The following POT1 variants were observed in gnomAD, a reference collection of about 807,000 sequenced individuals.
POT1 encodes the protein protection of telomeres protein 1.
A neutral mutation model predicts 78.5 loss-of-function variants in POT1; 47 were observed. The ratio of observed to expected loss-of-function variants is 0.60; its 90% CI spans 0.47 to 0.76. POT1 has a LOEUF of 0.76. POT1 is among the 30% of genes least tolerant of loss of function. The pLI, the probability that POT1 is intolerant of heterozygous loss-of-function variation, is 0.00. For synonymous variants in POT1, 259 were observed against 260.7 expected, an observed-to-expected ratio of 0.99 and a Z score of 0.06; for missense variants, 646 against 749.9, an observed-to-expected ratio of 0.86 and a Z score of 1.62.
chr7:124,906,727 A>G (rs1584519035), intron 3 of POT1, among the ~76,000 whole-genome samples: 1 of 152,288 alleles, frequency 6.6e-6, no homozygotes, highest in South Asian at 2.1e-4. Flanking sequence ...CATAGTGTTC[A>G]ACAAATATCT....
chr7:124,835,200 ACCT>A, intron 15 of POT1, 76 bp downstream of exon 15: 1 of 1,532,830 alleles, frequency 6.5e-7, no homozygotes, highest in Non-Finnish European at 8.9e-7. Context: ...TACGTAACAA[ACCT>A]CCATGTTCAG....
At chr7:124,873,609 G>A (rs374425234) in intron 6 of POT1, among the ~76,000 whole-genome samples, 219 of 152,172 alleles carry the variant, frequency 1.4e-3, no homozygotes, top group African/African-American at 4.3e-3. Context: ...TGCTGGCCTC[G>A]TGAAATGAGT....
At chr7:124,853,353 C>T (rs920558378) in intron 9 of POT1, 19 of 456,008 alleles carry the variant, frequency 4.2e-5, no homozygotes, top group South Asian at 2.1e-4. Flanking sequence ...CATGCATATG[C>T]GTGTGTGCAC....
chr7:124,917,657 A>T (rs6944776), intron 2 of POT1, among the ~76,000 whole-genome samples: 151,412 of 152,308 alleles, frequency 0.99, 75,269 homozygotes, highest in Middle Eastern at 1. Context: ...TTAGATTAAA[A>T]GACATTAATC....
rs372483192 is a variant in POT1 at position 124,867,025 on chromosome 7, C to T, written c.256-3385G>A. Among the ~76,000 whole-genome samples the T allele has an allele frequency of 1.1e-3, 162 of 152,316 alleles. No individual in the cohort carries two copies. In the South Asian group the frequency reaches 0.021, roughly 20 times the overall value. On this transcript the variant is annotated intron_variant, in intron 7 of 18. Coordinates refer to ENST00000357628, the MANE Select transcript of POT1 (RefSeq NM_015450.3). ...ATTTTTATCACCAATTCCATGCTCACTAGTGTATACTGTTGACTAAAGCTT... is the reference window on the plus strand; with the variant it reads ...ATTTTTATCACCAATTCCATGCTCATTAGTGTATACTGTTGACTAAAGCTT...
intron 3 of POT1, among the ~76,000 whole-genome samples, chr7:124,900,356 T>A (rs935659841): frequency 6.6e-6 from 1 of 152,172 alleles, no homozygotes; most frequent in African/African-American, 2.4e-5. Context: ...AGCCTTCTTC[T>A]TCCTGGTAGA....
In POT1 at chr7:124,827,991, C is replaced by G. The variant is rs1259758304; in HGVS notation, c.1595-686G>C. ...GAGGTTGCAGTGAGTCGAGATTGCA[C>G]CACTGCACTCCAGCCTGGGCGACAG... On this transcript the variant is annotated intron_variant, in intron 16 of 18. Transcript: ENST00000357628. Among the ~76,000 whole-genome samples the G allele has an allele frequency of 1.2e-4, 18 of 152,054 alleles. 1 individual carries two copies.
chr7:124,907,166 A>G (rs947242675), intron 3 of POT1, among the ~76,000 whole-genome samples: 1 of 152,270 alleles, frequency 6.6e-6, no homozygotes, highest in African/African-American at 2.4e-5. Context: ...CTAAAAACAC[A>G]TTTGGAATCA....
intron 14 of POT1, among the ~76,000 whole-genome samples, chr7:124,839,191 G>A (rs932137014): frequency 1.3e-5 from 2 of 152,112 alleles, no homozygotes; most frequent in Non-Finnish European, 1.5e-5. Flanking sequence ...CAATGGAGAA[G>A]GAACAGTCTT....
chr7:124,843,888 CAGAAGT>C (rs1795092360), intron 12 of POT1, among the ~76,000 whole-genome samples: 1 of 152,124 alleles, frequency 6.6e-6, no homozygotes, highest in African/African-American at 2.4e-5. Context: ...CCAAGAAGGA[CAGAAGT>C]TTACCAACAA....
At chr7:124,824,606 C>T (rs961885570) in intron 18 of POT1, among the ~76,000 whole-genome samples, 16 of 152,022 alleles carry the variant, frequency 1.1e-4, no homozygotes, top group African/African-American at 3.9e-4. Context: ...ATTAAACCAG[C>T]TGCTAAATCT....
chr7:124,854,178 C>G lies in POT1; in HGVS notation c.703-1040G>C, dbSNP rs183936020. Among the ~76,000 whole-genome samples, 26 of 151,982 alleles carry G rather than the reference C, an allele frequency of 1.7e-4. No individual in the cohort carries two copies. In the East Asian group the frequency reaches 4.6e-3, roughly 27 times the overall value. On this transcript the variant is annotated intron_variant, in intron 9 of 18. Transcript: ENST00000357628. ...ATATTTACAGATTTTGGAATATCTG[C>G]ATATATATAATGAGCTATCTTAGAG... is the stretch of plus-strand genomic sequence containing the variant.
At chr7:124,872,748 G>A (rs1795901864) in intron 6 of POT1, among the ~76,000 whole-genome samples, 1 of 152,200 alleles carries the variant, frequency 6.6e-6, no homozygotes, top group African/African-American at 2.4e-5. Context: ...CCAGTAGTGA[G>A]ATTATGGGAT....
At chr7:124,843,381 AATC>A in intron 12 of POT1, 1 of 152,790 alleles carries the variant, frequency 6.5e-6, no homozygotes, top group Non-Finnish European at 1.5e-5. Flanking sequence ...GGATGTTTCA[AATC>A]AGTTACTTTT....
chr7:124,852,011 G>T, intron 10 of POT1, 60 bp from the exon 11 acceptor site: 1 of 1,147,886 alleles, frequency 8.7e-7, no homozygotes, highest in Non-Finnish European at 1.3e-6. Context: ...AGTAAATTTA[G>T]CTCTACCCAC....
chr7:124,874,763 A>G (rs1230955241), intron 6 of POT1, among the ~76,000 whole-genome samples: 1 of 151,426 alleles, frequency 6.6e-6, no homozygotes, highest in East Asian at 2.0e-4. Context: ...CAGAAAGAAA[A>G]TGAGGTTAGG....
chr7:124,825,342 T>C lies in POT1; in HGVS notation c.1702A>G (p.Ile568Val), dbSNP rs150719673. 8 of 1,604,648 alleles carry C rather than the reference T, an allele frequency of 5.0e-6. No homozygotes were observed. Among genetic ancestry groups the C allele is most frequent in the African/African-American group, 1.3e-5 (1 of 74,628 alleles). ...TCCATCAGAACTTCTGATGCTGGAA[T>C]CTGGAAGAATTTGTCCTTAAAAATG... is the stretch of plus-strand genomic sequence containing the variant. ...YLMDSDKFFQ[I>V]PASEVLMDDD... is the part of the protein sequence containing the mutation. Residue 568 changes from isoleucine (I) to valine (V), a missense_variant, in exon 18 of 19, where the codon ATT becomes GTT. Ile to Val is a conservative substitution (Grantham distance 29). This residue lies in a region of POT1 where 394 missense variants were observed against 408.4 expected (regional missense o/e 0.96). Transcript: ENST00000357628.
chr7:124,924,700 T>C (rs536990637), intron 2 of POT1, among the ~76,000 whole-genome samples: 109 of 152,138 alleles, frequency 7.2e-4, no homozygotes, highest in African/African-American at 2.5e-3. Context: ...ATGACATCGA[T>C]GCAAAATTAT....
rs774285671 is a variant in POT1 at position 124,835,393 on chromosome 7, C to T, written c.1391G>A (p.Cys464Tyr). ...ACTATTAAACTTGTTCGAGAGTTTGCAAATTTCACTGAGTGTACCTCCTGT... is the reference window on the plus strand; with the variant it reads ...ACTATTAAACTTGTTCGAGAGTTTGTAAATTTCACTGAGTGTACCTCCTGT... The part of the protein sequence containing the change: ...LIEGGTLSEI[C>Y]KLSNKFNSVI... The change falls in exon 15 of 19, where the codon TGC (cysteine) becomes TAC (tyrosine). Residue 464 changes from cysteine (C) to tyrosine (Y), a missense_variant. Coordinates refer to ENST00000357628, the MANE Select transcript of POT1 (RefSeq NM_015450.3). 6 of 1,612,742 alleles carry T rather than the reference C, an allele frequency of 3.7e-6. No individual in the cohort carries two copies. In the South Asian group the frequency reaches 5.5e-5, roughly 15 times the overall value.
Sources: allele counts gnomAD v4.1 joint callset (sites outside exome capture counted in the v4.1 genomes callset), GRCh38; gene constraint gnomAD v4.1.1; regional missense constraint gnomAD v4.1.1; transcripts MANE v1.5; gene names NCBI Gene and HGNC (gene_info 2026-07-23, HGNC 2026-07-21).